Variants in IFT88 observed in about 807,000 individuals in gnomAD.
The protein encoded by IFT88 is intraflagellar transport protein 88 homolog.
A neutral mutation model predicts 119.5 loss-of-function variants in IFT88; 74 were observed. The ratio of observed to expected loss-of-function variants is 0.62; its 90% CI spans 0.51 to 0.75. The LOEUF (loss-of-function observed/expected upper bound fraction) is 0.75, where lower values mean the gene tolerates loss of function less well. Ranked by LOEUF, IFT88 falls within the 30% of genes least tolerant of loss-of-function variation. The probability of loss-of-function intolerance (pLI) is 0.00; values close to 1 mark genes in which losing one functional copy is unlikely to be tolerated. For missense variants in IFT88, 961 were observed against 977.7 expected, an observed-to-expected ratio of 0.98 and a Z score of 0.23; for synonymous variants, 279 against 316.7, an observed-to-expected ratio of 0.88 and a Z score of 1.26.
chr13:20,663,304 T>G (rs988813429), intron 22 of IFT88, 194 bp from the exon 23 acceptor site: 2 of 1,499,174 alleles, frequency 1.3e-6, no homozygotes, highest in Non-Finnish European at 1.8e-6. Context: ...GAGAGACCCT[T>G]TAAACCTCCT....
intron 16 of IFT88, among the ~76,000 whole-genome samples, chr13:20,635,906 A>G (rs185746539): frequency 2.9e-3 from 434 of 152,266 alleles, no homozygotes; most frequent in Non-Finnish European, 4.3e-3. Context: ...TAAAAAATAA[A>G]AAAAAAAGGA....
rs528735737 is a variant in IFT88 at position 20,611,128 on chromosome 13, A to G, written c.1113-4665A>G. ...ATAATTAATAATAATAATATATAGG[A>G]TATCAGTGGAATGAAGGATGAAAAC... On this transcript the variant is annotated intron_variant, in intron 13 of 25. Transcript: ENST00000351808. Among the ~76,000 whole-genome samples, 72 of 151,468 alleles carry G rather than the reference A, an allele frequency of 4.8e-4. No homozygotes were observed. In the South Asian group the frequency reaches 0.013, roughly 27 times the overall value.
At chr13:20,607,695 C>T in intron 13 of IFT88, 3 of 800,572 alleles carry the variant, frequency 3.7e-6, no homozygotes, top group Non-Finnish European at 6.8e-6. Flanking sequence ...TTGACTACGT[C>T]TCACAGTGGC....
At chr13:20,610,964 C>A (rs908397795) in intron 13 of IFT88, among the ~76,000 whole-genome samples, 2 of 151,908 alleles carry the variant, frequency 1.3e-5, no homozygotes, top group African/African-American at 4.8e-5. Flanking sequence ...CATGGTGAAG[C>A]CCTGGCTCTA....
At chr13:20,600,468 A>G (rs2042408033) in intron 11 of IFT88, among the ~76,000 whole-genome samples, 1 of 152,164 alleles carries the variant, frequency 6.6e-6, no homozygotes, top group Admixed American at 6.5e-5. Context: ...GAAAAAGGCA[A>G]CACCTGAGAC....
At chr13:20,574,553 A>T in intron 2 of IFT88, 78 bp downstream of exon 2, 1 of 709,658 alleles carries the variant, frequency 1.4e-6, no homozygotes, top group Non-Finnish European at 2.4e-6. Context: ...TGAGAGTTCT[A>T]CTTTATTATG....
At chr13:20,656,262 A>G (rs1444553435) in intron 21 of IFT88, 103 bp from the exon 22 acceptor site, 1 of 436,804 alleles carries the variant, frequency 2.3e-6, no homozygotes, top group Non-Finnish European at 4.1e-6. Flanking sequence ...AAACCTTTCT[A>G]TTAAACCATT....
chr13:20,641,187 G>A (rs1219222863), intron 17 of IFT88, 103 bp from the exon 18 acceptor site: 1 of 712,568 alleles, frequency 1.4e-6, no homozygotes, highest in East Asian at 2.8e-5. Flanking sequence ...TTTCTCTTCT[G>A]GATAAATATT....
Position 20,671,052 on chromosome 13 carries a change from T to C in IFT88, c.2242+13T>C. On this transcript the variant is annotated intron_variant, in intron 24 of 25. Transcript: ENST00000351808. ...AGTGCTAGCGGTGGTAAGTATTTTCTCTTTCCCTGAAAAACTTGGTTTCCA... is the reference window on the plus strand; with the variant it reads ...AGTGCTAGCGGTGGTAAGTATTTTCCCTTTCCCTGAAAAACTTGGTTTCCA... The C allele has an allele frequency of 6.2e-7, 1 of 1,611,264 alleles. No homozygotes were observed. The highest frequency in any genetic ancestry group is 8.5e-7 in the Non-Finnish European group (1 of 1,178,140).
intron 13 of IFT88, among the ~76,000 whole-genome samples, chr13:20,609,505 C>G (rs1036209163): frequency 3.9e-5 from 6 of 152,024 alleles, no homozygotes; most frequent in Non-Finnish European, 8.8e-5. Flanking sequence ...CCCTGTAATC[C>G]CAGCCCTTCG....
intron 24 of IFT88, among the ~76,000 whole-genome samples, chr13:20,688,179 TACA>T (rs1220758025): frequency 2.0e-5 from 3 of 152,068 alleles, no homozygotes; most frequent in Non-Finnish European, 2.9e-5. Context: ...CTACTAAAAA[TACA>T]ACAACAACAA....
chr13:20,598,695 T>C lies in IFT88; in HGVS notation c.639T>C (p.Tyr213=). 6.2e-7 allele frequency: 1 copy of C among 1,611,562 alleles called. No individual in the cohort carries two copies. The highest frequency in any genetic ancestry group is 1.1e-5 in the South Asian group (1 of 90,970). The change falls in exon 10 of 26, where the codon TAT becomes TAC. Residue 213 remains tyrosine (Y), a synonymous_variant. Transcript: ENST00000351808. ...GTCAGTATTCAGTTAATGAAATGTA[T>C]GCCGAAGCACTTAACACTTATCAAG... is the stretch of plus-strand genomic sequence containing the variant. ...LASQYSVNEM[Y]AEALNTYQVI... is the part of the protein sequence containing the mutation.
chr13:20,636,584 G>A (rs1488972507), intron 16 of IFT88, among the ~76,000 whole-genome samples: 1 of 152,194 alleles, frequency 6.6e-6, no homozygotes, highest in Non-Finnish European at 1.5e-5. Context: ...CACTCTGTGG[G>A]TGCCACTTGT....
chr13:20,667,029 A>T (rs982454168), intron 23 of IFT88, among the ~76,000 whole-genome samples: 1 of 152,180 alleles, frequency 6.6e-6, no homozygotes, highest in Non-Finnish European at 1.5e-5. Context: ...ACCACTTCCC[A>T]TGTCAGTAAA....
At chr13:20,631,278 A>G (rs2048166819) in intron 16 of IFT88, 176 bp downstream of exon 16, 1 of 548,650 alleles carries the variant, frequency 1.8e-6, no homozygotes, top group South Asian at 2.5e-5. Flanking sequence ...GAGTTGGCAG[A>G]CATGAGTGAG....
chr13:20,621,987 T>A (rs2497480), intron 14 of IFT88, among the ~76,000 whole-genome samples: 33,820 of 152,082 alleles, frequency 0.22, 4,497 homozygotes, highest in African/African-American at 0.35. Context: ...TTGGAATCAT[T>A]TAGTATGTTG....
chr13:20,634,616 A>G (rs7985869), intron 16 of IFT88, among the ~76,000 whole-genome samples: 10,355 of 151,826 alleles, frequency 0.068, 427 homozygotes, highest in Non-Finnish European at 0.08. Flanking sequence ...AGTCCCAGCT[A>G]CTCGGGAGGC....
chr13:20,663,474 C>G, intron 22 of IFT88, 24 bp from the exon 23 acceptor site: 1 of 1,608,348 alleles, frequency 6.2e-7, no homozygotes, highest in Non-Finnish European at 8.5e-7. Context: ...ATATTCTTTC[C>G]TAAATGTATA....
At chr13:20,574,333 T>C (rs1443695986) in intron 1 of IFT88, 47 bp from the exon 2 acceptor site, 2 of 1,030,912 alleles carry the variant, frequency 1.9e-6, no homozygotes, top group South Asian at 1.5e-5. Context: ...AATATATATA[T>C]ATATTTCTTA....
Sources: allele counts gnomAD v4.1 joint callset (sites outside exome capture counted in the v4.1 genomes callset), GRCh38; gene constraint gnomAD v4.1.1; transcripts MANE v1.5; gene names NCBI Gene and HGNC (gene_info 2026-07-23, HGNC 2026-07-21).